OVCH2: variants seen among roughly 807,000 people sequenced by gnomAD.
OVCH2 encodes the protein ovochymase-2.
A neutral mutation model predicts 73.7 loss-of-function variants in OVCH2; 88 were observed. That is an observed-to-expected ratio of 1.19 (90% CI 1.01 to 1.43). OVCH2 has a LOEUF of 1.43. Ranked by LOEUF, OVCH2 falls within the 40% of genes most tolerant of loss-of-function variation. The pLI is 0.00. For missense variants in OVCH2, 706 were observed against 674.5 expected, an observed-to-expected ratio of 1.05 and a Z score of -0.52; for synonymous variants, 265 against 234.5, an observed-to-expected ratio of 1.13 and a Z score of -1.19.
chr11:7,700,523 G>C lies in OVCH2; in HGVS notation c.712-38C>G, dbSNP rs1012508949. 3 of 1,557,374 alleles carry C rather than the reference G, an allele frequency of 1.9e-6. No individual in the cohort carries two copies. In the Admixed American group the frequency reaches 5.8e-5, roughly 30 times the overall value. ...AAAGCCTCTATTAGCATCACTGTCA[G>C]TGTCTATGCCCCAAAATGCTCACTG... On this transcript the variant is annotated intron_variant, in intron 6 of 15. Coordinates refer to ENST00000533663, the MANE Select transcript of OVCH2 (RefSeq NM_198185.7).
At chr11:7,684,502 A>C (rs1447236197), downstream of OVCH2, among the ~76,000 whole-genome samples, 1 of 104,254 alleles carries the variant, frequency 9.6e-6, no homozygotes, top group Non-Finnish European at 1.9e-5. Flanking sequence ...ACACATACAT[A>C]CATATGTGTG....
At position 7,696,700 on chromosome 11, in the gene OVCH2, G is replaced by A. The variant is rs779482615; in HGVS notation, c.1016+9C>T. ...AGTAAGGAGGAGGAGTACAAAGGGGGTTACTCACTGCTTGCTCTCATAATA... is the reference window on the plus strand; with the variant it reads ...AGTAAGGAGGAGGAGTACAAAGGGGATTACTCACTGCTTGCTCTCATAATA... On this transcript the variant is annotated intron_variant, in intron 9 of 15. Coordinates refer to ENST00000533663, the MANE Select transcript of OVCH2 (RefSeq NM_198185.7). 82 of 1,613,720 alleles carry A rather than the reference G, an allele frequency of 5.1e-5. No homozygotes were observed. The highest frequency in any genetic ancestry group is 7.0e-5 in the Non-Finnish European group (82 of 1,179,822).
intron 8 of OVCH2, 133 bp from the exon 9 acceptor site, chr11:7,696,932 C>G (rs1250680752): frequency 2.0e-5 from 16 of 795,720 alleles, no homozygotes; most frequent in Non-Finnish European, 3.2e-5. Flanking sequence ...GAAATCTTCT[C>G]CTGTCTTTGC....
intron 14 of OVCH2, chr11:7,691,067 A>G: frequency 3.6e-6 from 2 of 550,436 alleles, no homozygotes; most frequent in East Asian, 3.4e-5. Flanking sequence ...ATGAAAATGT[A>G]CCTTGAAGGC....
intron 8 of OVCH2, 131 bp from the exon 9 acceptor site, chr11:7,696,930 C>T: frequency 2.4e-6 from 2 of 818,218 alleles, no homozygotes; most frequent in African/African-American, 1.7e-5. Context: ...ATGAAATCTT[C>T]TCCTGTCTTT....
At chr11:7,702,856 C>T (rs1203398037) in intron 3 of OVCH2, among the ~76,000 whole-genome samples, 1 of 152,194 alleles carries the variant, frequency 6.6e-6, no homozygotes, top group African/African-American at 2.4e-5. Context: ...GCTTGCCATC[C>T]TTTGAGACGC....
intron 4 of OVCH2, 131 bp downstream of exon 4, chr11:7,702,026 G>T: frequency 1.1e-6 from 1 of 905,128 alleles, no homozygotes; most frequent in Non-Finnish European, 1.7e-6. Flanking sequence ...AGAGTTTCAG[G>T]TAGGACTCTC....
At chr11:7,694,803 CTTTT>C (rs34314441) in intron 12 of OVCH2, among the ~76,000 whole-genome samples, 8 of 108,390 alleles carry the variant, frequency 7.4e-5, no homozygotes, top group South Asian at 7.3e-4. Flanking sequence ...TAAAGCGGCA[CTTTT>C]TTTTTTTTTT....
chr11:7,698,136 C>T (rs1316913980), intron 8 of OVCH2, among the ~76,000 whole-genome samples: 1 of 152,168 alleles, frequency 6.6e-6, no homozygotes, highest in Non-Finnish European at 1.5e-5. Context: ...CCAGTTGCAG[C>T]TTCAAAGATG....
chr11:7,706,155 T>C (rs1303624827), intron 1 of OVCH2, 152 bp downstream of exon 1: 12 of 770,280 alleles, frequency 1.6e-5, no homozygotes, highest in African/African-American at 5.3e-5. Flanking sequence ...TTGCAGGAGA[T>C]AAGTCCAAAA....
the OVCH2 span, among the ~76,000 whole-genome samples, chr11:7,681,867 A>AG: frequency 2.0e-5 from 3 of 151,558 alleles, no homozygotes; most frequent in East Asian, 1.9e-4. Flanking sequence ...AAAAAAAAAA[A>AG]AAAAAGAAAA....
chr11:7,682,834 TACG>T, the OVCH2 span, among the ~76,000 whole-genome samples: 9 of 152,222 alleles, frequency 5.9e-5, no homozygotes, highest in Admixed American at 5.9e-4. Flanking sequence ...CATTCCTAGT[TACG>T]ACAAGATTCC....
At chr11:7,697,715 T>G (rs1856363538) in intron 8 of OVCH2, among the ~76,000 whole-genome samples, 1 of 152,182 alleles carries the variant, frequency 6.6e-6, no homozygotes, top group Admixed American at 6.5e-5. Context: ...TCATTTCTCG[T>G]TTCTATTCCT....
intron 7 of OVCH2, chr11:7,698,983 G>A: frequency 2.0e-6 from 1 of 504,060 alleles, no homozygotes; most frequent in African/African-American, 2.0e-5. Context: ...TTATTAAGTG[G>A]GCTAATATGA....
the OVCH2 span, among the ~76,000 whole-genome samples, chr11:7,681,093 T>G: frequency 5.9e-5 from 9 of 152,172 alleles, no homozygotes; most frequent in Non-Finnish European, 1.5e-5. Context: ...TTTGTGCATT[T>G]TGCTAAAATG....
chr11:7,681,712 TG>T, the OVCH2 span, among the ~76,000 whole-genome samples: 68 of 152,102 alleles, frequency 4.5e-4, no homozygotes, highest in Admixed American at 6.5e-4. Flanking sequence ...GTTCACAGCT[TG>T]GGCTGTGGAG....
At chr11:7,696,869 G>T (rs1382625735) in intron 8 of OVCH2, 70 bp from the exon 9 acceptor site, 1 of 1,381,584 alleles carries the variant, frequency 7.2e-7, no homozygotes, top group East Asian at 2.5e-5. Flanking sequence ...CCCTCCAGAA[G>T]CTGCAAACAC....
At chr11:7,682,969 T>C in the OVCH2 span, among the ~76,000 whole-genome samples, 3 of 152,174 alleles carry the variant, frequency 2.0e-5, no homozygotes, top group Non-Finnish European at 2.9e-5. Flanking sequence ...ATCACCAATA[T>C]CCTCACATTG....
rs956285771 is a variant in OVCH2 at position 7,696,775 on chromosome 11, A to G, written c.950T>C (p.Ile317Thr). 17 of 1,610,662 alleles carry G rather than the reference A, an allele frequency of 1.1e-5. No individual in the cohort carries two copies. Among genetic ancestry groups the G allele is most frequent in the African/African-American group, 1.3e-5 (1 of 74,866 alleles). Reference sequence around the variant, plus strand: ...CAGCTTCCCCTCAGCCCCGCTGACTATGACATCCTGCTCACTGCACCAGGC... The same window carrying G: ...CAGCTTCCCCTCAGCCCCGCTGACTGTGACATCCTGCTCACTGCACCAGGC... ...SRAWCSEQDV[I>T]VSGAEGKLHF... is the part of the protein sequence containing the mutation. Residue 317 changes from isoleucine (I) to threonine (T), a missense_variant, in exon 9 of 16, where the codon ATA becomes ACA. Transcript: ENST00000533663.
Sources: gnomAD v4.1 joint callset for allele counts (sites outside exome capture counted in the v4.1 genomes callset) on GRCh38, gnomAD v4.1.1 for gene constraint, MANE v1.5 for transcripts, NCBI Gene and HGNC (gene_info 2026-07-23, HGNC 2026-07-21) for gene names.